Variants in ERCC6L2 observed in about 807,000 individuals in gnomAD.
ERCC6L2 encodes the protein DNA excision repair protein ERCC-6-like 2.
ERCC6L2 carries 77 observed loss-of-function variants against 132.0 expected under a neutral mutation model. That is an observed-to-expected ratio of 0.58 (90% CI 0.49 to 0.71). ERCC6L2 has a LOEUF of 0.71. Ranked by LOEUF, ERCC6L2 falls within the 30% of genes least tolerant of loss-of-function variation. The pLI is 0.00. For missense variants in ERCC6L2, 1,542 were observed against 1,837.6 expected, an observed-to-expected ratio of 0.84 and a Z score of 2.94; for synonymous variants, 583 against 632.4, an observed-to-expected ratio of 0.92 and a Z score of 1.17.
chr9:95,978,920 G>A (rs1198718570), intron 17 of ERCC6L2, among the ~76,000 whole-genome samples: 2 of 152,096 alleles, frequency 1.3e-5, no homozygotes, highest in Non-Finnish European at 2.9e-5. Context: ...TAAGAATGAA[G>A]GTGAGGGTAG....
chr9:95,948,521 C>T lies in ERCC6L2; in HGVS notation c.1847+6972C>T, dbSNP rs544663980. On this transcript the variant is annotated intron_variant, in intron 12 of 18. Coordinates refer to ENST00000653738, the MANE Select transcript of ERCC6L2 (RefSeq NM_020207.7). Reference sequence around the variant, plus strand: ...TACTAAAATTAGCCAGGTGTGGTGGCGTGTGCCTGTGGTCCCAGCTACTCA... The same window carrying T: ...TACTAAAATTAGCCAGGTGTGGTGGTGTGTGCCTGTGGTCCCAGCTACTCA... 4.6e-5 allele frequency among the ~76,000 whole-genome samples: 7 copies of T among 152,016 alleles called. No individual in the cohort carries two copies. In the East Asian group the frequency reaches 7.8e-4, roughly 17 times the overall value.
At chr9:95,910,371 A>G (rs1298141642) in intron 4 of ERCC6L2, among the ~76,000 whole-genome samples, 4 of 152,194 alleles carry the variant, frequency 2.6e-5, no homozygotes, top group Non-Finnish European at 4.4e-5. Flanking sequence ...TTTATCTGAT[A>G]TGAGCATAGC....
chr9:96,004,502 T>C lies in ERCC6L2; in HGVS notation c.3493-18T>C. 7.8e-7 allele frequency: 1 copy of C among 1,285,118 alleles called. No homozygotes were observed. Among genetic ancestry groups the C allele is most frequent in the Non-Finnish European group, 1.0e-6 (1 of 977,694 alleles). The allele number at this position is 1,285,118 out of a possible 1,614,324, so 79.6% of individuals were successfully genotyped here. On this transcript the variant is annotated intron_variant, in intron 17 of 18. Transcript: ENST00000653738. ...CTATTTTTTCAGACATAGCTTTTGT[T>C]TCCTTTCTTTTTTTCAGACATATAA...
In ERCC6L2 at chr9:96,015,676, G is replaced by A. The variant is rs1382723140; in HGVS notation, c.*2473G>A. Among the ~76,000 whole-genome samples, 9 of 151,548 alleles carry A rather than the reference G, an allele frequency of 5.9e-5. No individual in the cohort carries two copies. Among genetic ancestry groups the A allele is most frequent in the African/African-American group, 1.9e-4 (8 of 41,294 alleles). ...AAATTAGCCAGGCGTGGTGGTGGGCGCCTGTAGTCCCAGCTACTCGGGAGG... is the reference window on the plus strand; with the variant it reads ...AAATTAGCCAGGCGTGGTGGTGGGCACCTGTAGTCCCAGCTACTCGGGAGG... On this transcript the variant is annotated 3_prime_UTR_variant, in exon 19 of 19. Coordinates refer to ENST00000653738, the MANE Select transcript of ERCC6L2 (RefSeq NM_020207.7).
intron 19 of ERCC6L2, among the ~76,000 whole-genome samples, chr9:96,038,099 C>A (rs1834540062): frequency 6.6e-6 from 1 of 151,842 alleles, no homozygotes; most frequent in African/African-American, 2.4e-5. Flanking sequence ...AGTCAGGAGA[C>A]CGTCCCTGAA....
intron 11 of ERCC6L2, among the ~76,000 whole-genome samples, chr9:95,940,060 G>GA (rs1830728049): frequency 6.6e-6 from 1 of 152,144 alleles, no homozygotes; most frequent in African/African-American, 2.4e-5. Flanking sequence ...ACCATGGAGG[G>GA]AGACCCTGTT....
chr9:95,902,601 A>T (rs115857153), intron 3 of ERCC6L2, among the ~76,000 whole-genome samples: 70 of 152,264 alleles, frequency 4.6e-4, no homozygotes, highest in African/African-American at 1.7e-3. Context: ...ATTGGATAGC[A>T]GGTAGAGCTG....
intron 13 of ERCC6L2, among the ~76,000 whole-genome samples, chr9:95,957,408 ATTTT>A (rs34977945): frequency 2.2e-5 from 3 of 136,874 alleles, no homozygotes; most frequent in African/African-American, 2.6e-5. Context: ...TAAACAGTTC[ATTTT>A]TTTTTTTTTT....
chr9:96,031,992 C>T (rs1274532465), intron 19 of ERCC6L2, among the ~76,000 whole-genome samples: 2 of 152,222 alleles, frequency 1.3e-5, no homozygotes, highest in Non-Finnish European at 2.9e-5. Context: ...AAATCACAAG[C>T]CCTCAACCTG....
At chr9:96,006,146 TAG>T (rs781079111) in intron 18 of ERCC6L2, among the ~76,000 whole-genome samples, 2 of 152,132 alleles carry the variant, frequency 1.3e-5, no homozygotes, top group Non-Finnish European at 2.9e-5. Context: ...GTCATCAGCA[TAG>T]AGTTTATAAA....
chr9:95,924,149 G>A (rs948633325), intron 9 of ERCC6L2, among the ~76,000 whole-genome samples: 11 of 151,376 alleles, frequency 7.3e-5, no homozygotes, highest in Non-Finnish European at 1.5e-4. Flanking sequence ...TAAAAGGTAA[G>A]TTCTTTTTGA....
intron 19 of ERCC6L2, among the ~76,000 whole-genome samples, chr9:96,036,985 C>T (rs1189262802): frequency 6.6e-6 from 1 of 151,566 alleles, no homozygotes; most frequent in Non-Finnish European, 1.5e-5. Flanking sequence ...CCGGGATGGT[C>T]TCGATCTCCT....
At chr9:96,036,988 G>A (rs985043700) in intron 19 of ERCC6L2, among the ~76,000 whole-genome samples, 9 of 151,290 alleles carry the variant, frequency 5.9e-5, no homozygotes, top group African/African-American at 1.9e-4. Flanking sequence ...GGATGGTCTC[G>A]ATCTCCTGAC....
At position 95,972,993 on chromosome 9, in the gene ERCC6L2, A is replaced by G; in HGVS notation, c.3242A>G (p.Lys1081Arg). The G allele has an allele frequency of 7.4e-7, 1 of 1,354,348 alleles. No individual in the cohort carries two copies. Among genetic ancestry groups the G allele is most frequent in the Non-Finnish European group, 9.9e-7 (1 of 1,015,114 alleles). The allele number at this position is 1,354,348 out of a possible 1,614,324, so 83.9% of individuals were successfully genotyped here. A position where few individuals can be genotyped will look rare whatever the true frequency, so the allele number is the denominator to read the frequency against. ...TCAAAATTGCCTAGCCATAATAAGA[A>G]AAATAGCACTTTTATTCCAAGAAAA... ...FSSKLPSHNK[K>R]NSTFIPRKPM... The change falls in exon 16 of 19, where the codon AAA becomes AGA. Residue 1081 changes from lysine to arginine, a missense_variant. By Grantham distance (26) the Lys-to-Arg change is conservative. Around this residue, in one of 4 missense-constraint regions of ERCC6L2, gnomAD observed 442 missense variants for 583.4 expected, o/e 0.76. Transcript: ENST00000653738.
rs140229882 is a variant in ERCC6L2 at position 96,002,811 on chromosome 9, A to G, written c.3493-1709A>G. 5.4e-4 allele frequency among the ~76,000 whole-genome samples: 82 copies of G among 152,302 alleles called. 1 individual carries two copies. In the East Asian group the frequency reaches 0.015, roughly 29 times the overall value. On this transcript the variant is annotated intron_variant, in intron 17 of 18. Transcript: ENST00000653738. ...AAGGTTTGCCCTTTATCTGTGATAT[A>G]ACAAAATGCAGGTTTATTTTCATTT...
downstream of ERCC6L2, chr9:96,020,816 A>C (rs1438076968): frequency 4.4e-6 from 2 of 456,758 alleles, no homozygotes; most frequent in Admixed American, 4.7e-5. Context: ...CCCCTTCTCC[A>C]GTCTCCCTTG....
At chr9:95,876,479 C>T (rs970657547) in intron 1 of ERCC6L2, 1 of 177,506 alleles carries the variant, frequency 5.6e-6, no homozygotes. Flanking sequence ...TTGTATGCCC[C>T]AGTTGTTAGT....
chr9:95,959,311 A>G (rs1328764894), intron 13 of ERCC6L2, among the ~76,000 whole-genome samples: 1 of 151,866 alleles, frequency 6.6e-6, no homozygotes, highest in Non-Finnish European at 1.5e-5. Context: ...TGGTGCTGGG[A>G]AAACTGGCTA....
At chr9:95,984,286 A>G (rs1833008214) in intron 17 of ERCC6L2, among the ~76,000 whole-genome samples, 1 of 149,148 alleles carries the variant, frequency 6.7e-6, no homozygotes, top group South Asian at 2.1e-4. Flanking sequence ...TATGATATAC[A>G]TGTTATATGT....
Sources: gnomAD v4.1 joint callset for allele counts (sites outside exome capture counted in the v4.1 genomes callset) on GRCh38, gnomAD v4.1.1 for gene constraint, gnomAD v4.1.1 regional missense constraint, MANE v1.5 for transcripts, NCBI Gene and HGNC (gene_info 2026-07-23, HGNC 2026-07-21) for gene names.